JAKMIP3: variants seen among roughly 807,000 people sequenced by gnomAD.
JAKMIP3 encodes Janus kinase and microtubule interacting protein 3.
A neutral mutation model predicts 118.5 loss-of-function variants in JAKMIP3; 58 were observed. The observed-to-expected ratio is 0.49, with a 90% CI of 0.40 to 0.61. The LOEUF (loss-of-function observed/expected upper bound fraction) is 0.61, where lower values mean the gene tolerates loss of function less well. Ranked by LOEUF, JAKMIP3 falls within the 20% of genes least tolerant of loss-of-function variation. The probability of loss-of-function intolerance (pLI) is 0.00; values close to 1 mark genes in which losing one functional copy is unlikely to be tolerated. For synonymous variants in JAKMIP3, 486 were observed against 451.2 expected (o/e 1.08, Z -0.98); for missense variants, 950 against 1,109.0 (o/e 0.86, Z 2.04).
At chr10:132,162,373 C>G (rs998385731) in intron 19 of JAKMIP3, among the ~76,000 whole-genome samples, 1 of 152,244 alleles carries the variant, frequency 6.6e-6, no homozygotes, top group East Asian at 1.9e-4. Flanking sequence ...TAATTCCAAG[C>G]CAGCACTTGA....
intron 1 of JAKMIP3, among the ~76,000 whole-genome samples, chr10:132,099,196 A>G (rs1189875314): frequency 1.3e-5 from 2 of 152,140 alleles, no homozygotes; most frequent in Admixed American, 6.5e-5. Flanking sequence ...CGACAGGGAC[A>G]GAGTGGAGCA....
chr10:132,161,909 T>G (rs2058389282), intron 19 of JAKMIP3, among the ~76,000 whole-genome samples: 1 of 124,050 alleles, frequency 8.1e-6, no homozygotes, highest in African/African-American at 2.5e-5. Context: ...CACTTCCTGT[T>G]TGATGTGTGG....
intron 23 of JAKMIP3, chr10:132,181,159 G>A (rs1279795573): frequency 6.6e-6 from 1 of 152,334 alleles, no homozygotes; most frequent in African/African-American, 2.4e-5. Context: ...AGTGAGTGGA[G>A]TGTGCTGACA....
chr10:132,180,620 TGTGTGCGTGTGTGCGTGCGTGTGTGC>T (rs2060887483), intron 23 of JAKMIP3, among the ~76,000 whole-genome samples: 1 of 41,218 alleles, frequency 2.4e-5, no homozygotes, highest in Non-Finnish European at 4.1e-5. Flanking sequence ...TGTGTGCGTG[TGTGTGCGTGTGTGCGTGCGTGTGTGC>T]GTGTGCGTGT....
intron 2 of JAKMIP3, among the ~76,000 whole-genome samples, chr10:132,113,328 C>A (rs572956921): frequency 6.6e-6 from 1 of 152,364 alleles, no homozygotes; most frequent in African/African-American, 2.4e-5. Context: ...CCGCTGGAAG[C>A]CTCTCTGCAG....
Position 132,138,152 on chromosome 10 carries a change from A to C in JAKMIP3, c.1318A>C (p.Arg440=). The part of the protein sequence containing the change: ...RDKLLRFRKQ[R]KKMAKLPKPV... Reference sequence around the variant, plus strand: ...CAAGCTGTTAAGATTCCGGAAGCAAAGAAAGAAAATGGCAAAACTTCCCAA... The same window carrying C: ...CAAGCTGTTAAGATTCCGGAAGCAACGAAAGAAAATGGCAAAACTTCCCAA... Residue 440 remains arginine, a synonymous_variant, in exon 9 of 24, where the codon AGA becomes CGA. Transcript: ENST00000684848. 2 of 1,612,106 alleles carry C rather than the reference A, an allele frequency of 1.2e-6. No individual in the cohort carries two copies. The highest frequency in any genetic ancestry group is 1.7e-4 in the Middle Eastern group (1 of 6,058).
chr10:132,096,990 G>T (rs112393089), intron 1 of JAKMIP3, among the ~76,000 whole-genome samples: 2 of 152,216 alleles, frequency 1.3e-5, no homozygotes, highest in Non-Finnish European at 2.9e-5. Context: ...GACATTTCCC[G>T]ACATGGATGT....
chr10:132,044,611 C>T lies in JAKMIP3; in HGVS notation c.-138+7873C>T, dbSNP rs531557116. Among the ~76,000 whole-genome samples, 14 of 152,214 alleles carry T rather than the reference C, an allele frequency of 9.2e-5. No individual in the cohort carries two copies. In the East Asian group the frequency reaches 2.7e-3, roughly 29 times the overall value. ...GAGCAGGCTGGGGTCCTGGCGCGGG[C>T]TCTTCCTCAGGGCAGCAGGACGCCA... On this transcript the variant is annotated intron_variant, in intron 1 of 23. Transcript: ENST00000657785. The surrounding 1 kb of genome is among the most constrained non-coding windows in gnomAD (Gnocchi z 5.3).
chr10:132,132,756 T>A (rs1201802952), intron 3 of JAKMIP3, among the ~76,000 whole-genome samples: 1 of 152,206 alleles, frequency 6.6e-6, no homozygotes, highest in African/African-American at 2.4e-5. Context: ...AGGACCACAG[T>A]GGTGCCCCTA....
At chr10:132,088,976 A>T (rs2042768223) in intron 1 of JAKMIP3, among the ~76,000 whole-genome samples, 1 of 152,308 alleles carries the variant, frequency 6.6e-6, no homozygotes, top group Admixed American at 6.5e-5. Context: ...TCCTTTCCCC[A>T]CTGCTTGTTT....
chr10:132,047,768 C>T (rs2133793221), intron 1 of JAKMIP3, among the ~76,000 whole-genome samples: 1 of 151,754 alleles, frequency 6.6e-6, no homozygotes, highest in South Asian at 2.1e-4. Context: ...GAGTGTTCCC[C>T]ACCCCACGCC....
In JAKMIP3 at chr10:132,049,943, C is replaced by G. The variant is rs894494396; in HGVS notation, c.-138+13205C>G. 1.3e-5 allele frequency among the ~76,000 whole-genome samples: 2 copies of G among 152,184 alleles called. No individual in the cohort carries two copies. The highest frequency in any genetic ancestry group is 2.4e-5 in the African/African-American group (1 of 41,440). On this transcript the variant is annotated intron_variant, in intron 1 of 23. Transcript: ENST00000657785. The surrounding 1 kb of genome is among the most constrained non-coding windows in gnomAD (Gnocchi z 4.3). ...CCCTTTTCTGTCAGCCTGGCGATGT[C>G]CACACATTTTAGTGAGGTTTTTTTG...
chr10:132,082,173 G>T lies in JAKMIP3; in HGVS notation c.-138+16112G>T, dbSNP rs1010980745. ...AGACATTGGGCATTGTTTGTTTGGG[G>T]GGGGGGGCTGAATTTTTTTTTGCTT... On this transcript the variant is annotated intron_variant, in intron 1 of 23. Coordinates refer to ENST00000684848, the MANE Select transcript of JAKMIP3 (RefSeq NM_001323087.2). Among the ~76,000 whole-genome samples the T allele has an allele frequency of 2.2e-4, 33 of 149,462 alleles. 1 individual carries two copies. Among genetic ancestry groups the T allele is most frequent in the Admixed American group, 1.2e-3 (18 of 15,030 alleles).
intron 19 of JAKMIP3, among the ~76,000 whole-genome samples, chr10:132,159,038 T>C (rs114703550): frequency 0.012 from 1,114 of 92,354 alleles, 66 homozygotes; most frequent in South Asian, 0.049. Flanking sequence ...GGGGGTCTCT[T>C]CCTGTGTGAT....
chr10:132,115,571 C>T (rs1041377630), intron 2 of JAKMIP3, among the ~76,000 whole-genome samples: 8 of 152,198 alleles, frequency 5.3e-5, no homozygotes, highest in African/African-American at 1.9e-4. Context: ...GCCAGCAGGA[C>T]AGGACTGGCA....
Position 132,133,356 on chromosome 10 carries a change from G to C in JAKMIP3, c.678G>C (p.Glu226Asp). 6.2e-7 allele frequency: 1 copy of C among 1,601,856 alleles called. No homozygotes were observed. The highest frequency in any genetic ancestry group is 8.5e-7 in the Non-Finnish European group (1 of 1,174,184). The change falls in exon 4 of 24, where the codon GAG (glutamate) becomes GAC (aspartate). Residue 226 changes from glutamate (E) to aspartate (D), a missense_variant. By Grantham distance (45) the Glu-to-Asp change is conservative. Transcript: ENST00000684848. The part of the protein sequence containing the change: ...KFKDRAVFVL[E>D]RELGVQAGHA... ...AAGACAGAGCAGTCTTCGTGCTGGAGAGAGAGTTAGGGGTTCAAGCCGGGC... is the reference window on the plus strand; with the variant it reads ...AAGACAGAGCAGTCTTCGTGCTGGACAGAGAGTTAGGGGTTCAAGCCGGGC...
In JAKMIP3 at chr10:132,180,548, TGCGTGCATGC is replaced by T. The variant is rs1432408657; in HGVS notation, c.*1104-1807_*1104-1798del. ...CTGTGTGTGTGTGTGTGTGTGTGCG[TGCGTGCATGC>T]GTGTGTGTGCGTGTGTGTGTGCGTG... On this transcript the variant is annotated intron_variant, in intron 23 of 23. Coordinates refer to ENST00000684848, the MANE Select transcript of JAKMIP3 (RefSeq NM_001323087.2). Among the ~76,000 whole-genome samples, 35 of 30,806 alleles carry T rather than the reference TGCGTGCATGC, an allele frequency of 1.1e-3. 6 individuals are homozygous for T. Among genetic ancestry groups the T allele is most frequent in the South Asian group, 3.5e-3 (3 of 866 alleles). 20.2% of individuals were successfully genotyped at this position (30,806 alleles called of 152,430 possible). A position where few individuals can be genotyped will look rare whatever the true frequency, so the allele number is the denominator to read the frequency against.
intron 1 of JAKMIP3, among the ~76,000 whole-genome samples, chr10:132,067,404 C>A (rs954751426): frequency 6.6e-6 from 1 of 152,180 alleles, no homozygotes; most frequent in African/African-American, 2.4e-5. Context: ...CTGCTTCTCT[C>A]CCGACAGCCC....
chr10:132,068,463 G>A (rs778715601), intron 1 of JAKMIP3, among the ~76,000 whole-genome samples: 3 of 152,070 alleles, frequency 2.0e-5, no homozygotes, highest in Admixed American at 6.5e-5. Flanking sequence ...GGCCTCCTAG[G>A]CTTCTTCCAT....
Sources: gnomAD v4.1 joint callset for allele counts (sites outside exome capture counted in the v4.1 genomes callset) on GRCh38, gnomAD v4.1.1 for gene constraint, Gnocchi (gnomAD v3.1) non-coding constraint, MANE v1.5 for transcripts, NCBI Gene and HGNC (gene_info 2026-07-23, HGNC 2026-07-21) for gene names.